VPS8: variants seen among roughly 807,000 people sequenced by gnomAD.
VPS8 encodes the protein VPS8 subunit of CORVET complex.
A neutral mutation model predicts 216.4 loss-of-function variants in VPS8; 129 were observed. The observed-to-expected ratio is 0.60, with a 90% CI of 0.52 to 0.69. The LOEUF (loss-of-function observed/expected upper bound fraction) is 0.69. Ranked by LOEUF, VPS8 falls within the 30% of genes least tolerant of loss-of-function variation. The probability of loss-of-function intolerance (pLI) is 0.00; values close to 1 mark genes in which losing one functional copy is unlikely to be tolerated. For synonymous variants in VPS8, 571 were observed against 565.4 expected (o/e 1.01, Z -0.14); for missense variants, 1,531 against 1,683.5 (o/e 0.91, Z 1.59).
chr3:184,933,564 A>G (rs1220960257), intron 34 of VPS8, among the ~76,000 whole-genome samples: 1 of 151,656 alleles, frequency 6.6e-6, no homozygotes, highest in African/African-American at 2.4e-5. Flanking sequence ...AGTGGTCAAA[A>G]TAATCATTTC....
At chr3:184,995,635 A>G (rs948675299) in intron 43 of VPS8, among the ~76,000 whole-genome samples, 1 of 152,238 alleles carries the variant, frequency 6.6e-6, no homozygotes, top group Non-Finnish European at 1.5e-5. Flanking sequence ...ACCCAAATAC[A>G]TAGCCAGATG....
chr3:184,873,308 C>G (rs1342295029), intron 21 of VPS8, among the ~76,000 whole-genome samples: 1 of 152,010 alleles, frequency 6.6e-6, no homozygotes, highest in Non-Finnish European at 1.5e-5. Context: ...TTGTATTATA[C>G]TGTTATTTTA....
intron 40 of VPS8, among the ~76,000 whole-genome samples, chr3:184,978,615 G>A (rs944650580): frequency 6.6e-6 from 1 of 152,046 alleles, no homozygotes; most frequent in African/African-American, 2.4e-5. Context: ...GCTCAGGCTT[G>A]TCTCGAACTC....
At chr3:184,898,043 A>G (rs1733832366) in intron 23 of VPS8, among the ~76,000 whole-genome samples, 1 of 152,058 alleles carries the variant, frequency 6.6e-6, no homozygotes, top group South Asian at 2.1e-4. Flanking sequence ...ACTCCAGACC[A>G]GTTAGGTTAA....
At chr3:184,848,685 C>T (rs1407767351) in intron 8 of VPS8, among the ~76,000 whole-genome samples, 2 of 150,440 alleles carry the variant, frequency 1.3e-5, no homozygotes, top group Non-Finnish European at 1.5e-5. Context: ...TCTTGTGCCT[C>T]AGCCTCTGGA....
At chr3:184,945,047 C>T (rs1032630851) in intron 36 of VPS8, among the ~76,000 whole-genome samples, 3 of 151,994 alleles carry the variant, frequency 2.0e-5, no homozygotes, top group Non-Finnish European at 4.4e-5. Flanking sequence ...GCCTGGCTTA[C>T]CCCTAGATCT....
chr3:184,922,307 A>G (rs762088068), intron 29 of VPS8: 6 of 345,860 alleles, frequency 1.7e-5, no homozygotes, highest in African/African-American at 4.3e-5. Context: ...CAGTTAGCAC[A>G]CTGTAGTGTC....
At position 184,863,022 on chromosome 3, in the gene VPS8, C is replaced by G; in HGVS notation, c.1350C>G (p.Ser450Arg). 1 of 1,613,878 alleles carries G rather than the reference C, an allele frequency of 6.2e-7. No individual in the cohort carries two copies. Among genetic ancestry groups the G allele is most frequent in the Non-Finnish European group, 8.5e-7 (1 of 1,179,780 alleles). Reference protein sequence around the residue: ...ISEVQLVYNSSHFKSLATGGN... With the variant: ...ISEVQLVYNSRHFKSLATGGN... ...AAGTTCAGCTGGTCTACAATAGCAG[C>G]CATTTCAAATCACTAGCCACTGGAG... is the stretch of plus-strand genomic sequence containing the variant. Residue 450 changes from serine to arginine, a missense_variant, in exon 16 of 48, where the codon AGC becomes AGG. This residue lies in a region of VPS8 where 1,318 missense variants were observed against 1,468.4 expected (regional missense o/e 0.90). Coordinates refer to ENST00000625842, the MANE Select transcript of VPS8 (RefSeq NM_001009921.3).
intron 22 of VPS8, among the ~76,000 whole-genome samples, chr3:184,890,032 T>TA (rs921585905): frequency 2.0e-5 from 3 of 152,206 alleles, no homozygotes; most frequent in Non-Finnish European, 2.9e-5. Context: ...ATTTTTTTCT[T>TA]AGAGTTGCCA....
rs1352653257 is a variant in VPS8 at position 184,894,437 on chromosome 3, AC to A, written c.1782-264del. On this transcript the variant is annotated intron_variant, in intron 22 of 47. Transcript: ENST00000625842. ...TCACTATTAGCAAACAATTTATCTTACCTTTTCTGATTTGTTAAAGAAGTGT... is the reference window on the plus strand; with the variant it reads ...TCACTATTAGCAAACAATTTATCTTACTTTTCTGATTTGTTAAAGAAGTGT... 7.3e-5 allele frequency among the ~76,000 whole-genome samples: 11 copies of A among 150,184 alleles called. No homozygotes were observed. The East Asian group carries it at 2.2e-3, about 29-fold the overall frequency.
At chr3:184,988,038 G>A (rs1374510223) in intron 42 of VPS8, among the ~76,000 whole-genome samples, 1 of 152,108 alleles carries the variant, frequency 6.6e-6, no homozygotes, top group African/African-American at 2.4e-5. Flanking sequence ...TGGGTTTTAA[G>A]GATTCTTTGT....
intron 25 of VPS8, among the ~76,000 whole-genome samples, chr3:184,901,641 A>G (rs1012353296): frequency 3.9e-5 from 6 of 152,146 alleles, no homozygotes; most frequent in Non-Finnish European, 7.4e-5. Flanking sequence ...ATAAAGTACA[A>G]TATCACTACT....
intron 45 of VPS8, among the ~76,000 whole-genome samples, chr3:185,023,273 T>C (rs1050758277): frequency 6.6e-6 from 1 of 152,268 alleles, no homozygotes; most frequent in Non-Finnish European, 1.5e-5. Flanking sequence ...GTTATTTGCA[T>C]GATTGCATCA....
chr3:184,994,156 A>G (rs1041424563), intron 43 of VPS8, 93 bp downstream of exon 43: 3 of 910,950 alleles, frequency 3.3e-6, no homozygotes, highest in Non-Finnish European at 3.2e-6. Flanking sequence ...AAAAATTACC[A>G]TCTATTTACT....
chr3:184,909,573 C>G, intron 25 of VPS8, among the ~76,000 whole-genome samples: 1 of 152,068 alleles, frequency 6.6e-6, no homozygotes, highest in East Asian at 1.9e-4. Context: ...TTATTTTCAA[C>G]AGTTATATTT....
intron 45 of VPS8, among the ~76,000 whole-genome samples, chr3:185,022,542 C>T (rs562793411): frequency 1.3e-5 from 2 of 152,010 alleles, no homozygotes; most frequent in East Asian, 3.9e-4. Flanking sequence ...TGAATGTATC[C>T]TTTCATTCCT....
chr3:184,859,865 C>A, intron 14 of VPS8, 120 bp from the exon 15 acceptor site: 1 of 612,946 alleles, frequency 1.6e-6, no homozygotes. Flanking sequence ...GTATTTTTGG[C>A]TTATCTACAG....
intron 23 of VPS8, among the ~76,000 whole-genome samples, chr3:184,896,072 C>T (rs1733418282): frequency 6.6e-6 from 1 of 152,074 alleles, no homozygotes; most frequent in South Asian, 2.1e-4. Flanking sequence ...TGTGCAAAAT[C>T]ACATAGAAAT....
chr3:184,872,276 G>A (rs1182063938), intron 21 of VPS8, among the ~76,000 whole-genome samples: 1 of 152,050 alleles, frequency 6.6e-6, no homozygotes, highest in Non-Finnish European at 1.5e-5. Flanking sequence ...TGAATGGAAT[G>A]AGTGTGTATG....
Sources: allele counts gnomAD v4.1 joint callset (sites outside exome capture counted in the v4.1 genomes callset), GRCh38; gene constraint gnomAD v4.1.1; regional missense constraint gnomAD v4.1.1; transcripts MANE v1.5; gene names NCBI Gene and HGNC (gene_info 2026-07-23, HGNC 2026-07-21).